WWTR1: variants seen among roughly 807,000 people sequenced by gnomAD.
The protein encoded by WWTR1 is WW domain containing transcription regulator 1, also known as WW domain-containing transcription regulator protein 1.
WWTR1 carries 13 observed loss-of-function variants against 40.1 expected under a neutral mutation model. The ratio of observed to expected loss-of-function variants is 0.32; its 90% CI spans 0.21 to 0.52. WWTR1 has a LOEUF of 0.52. WWTR1 is among the 20% of genes least tolerant of loss of function. The pLI is 0.97. For synonymous variants in WWTR1, 230 were observed against 210.1 expected (o/e 1.09, Z -0.82); for missense variants, 436 against 523.1 (o/e 0.83, Z 1.63).
intron 1 of WWTR1, among the ~76,000 whole-genome samples, chr3:149,680,646 C>T (rs1714429846): frequency 6.7e-6 from 1 of 150,366 alleles, no homozygotes; most frequent in African/African-American, 2.5e-5. Context: ...CCAGCCTAGG[C>T]AACATAGAGA....
At chr3:149,530,907 G>A (rs1334153119) in intron 4 of WWTR1, among the ~76,000 whole-genome samples, 1 of 151,606 alleles carries the variant, frequency 6.6e-6, no homozygotes, top group African/African-American at 2.4e-5. Flanking sequence ...AGAAAAATCA[G>A]AAAGGGTGTT....
At chr3:149,550,191 G>A (rs573490997) in intron 3 of WWTR1, among the ~76,000 whole-genome samples, 2 of 152,158 alleles carry the variant, frequency 1.3e-5, no homozygotes, top group African/African-American at 4.8e-5. Context: ...CAATGGTTGG[G>A]GTATGTACAA....
chr3:149,614,142 C>T (rs1739860656), intron 2 of WWTR1, among the ~76,000 whole-genome samples: 1 of 152,154 alleles, frequency 6.6e-6, no homozygotes, highest in Admixed American at 6.5e-5. Context: ...CCTCTGAGAG[C>T]TATTACTGAC....
intron 2 of WWTR1, among the ~76,000 whole-genome samples, chr3:149,609,320 A>C (rs1210570895): frequency 6.6e-6 from 1 of 152,160 alleles, no homozygotes; most frequent in Non-Finnish European, 1.5e-5. Context: ...CAGAATGTGT[A>C]ATGTGTTATC....
intron 3 of WWTR1, among the ~76,000 whole-genome samples, chr3:149,545,195 G>T (rs1342389124): frequency 6.6e-6 from 1 of 152,102 alleles, no homozygotes; most frequent in East Asian, 1.9e-4. Flanking sequence ...GGAGGTAAAG[G>T]GTTTTGCACA....
intron 1 of WWTR1, among the ~76,000 whole-genome samples, chr3:149,689,191 C>T (rs925499323): frequency 2.0e-5 from 3 of 151,746 alleles, no homozygotes; most frequent in Non-Finnish European, 4.4e-5. Flanking sequence ...AGACTAGCCT[C>T]GGCAACATGG....
At chr3:149,672,118 G>A (rs1020526668) in intron 1 of WWTR1, among the ~76,000 whole-genome samples, 1 of 151,372 alleles carries the variant, frequency 6.6e-6, no homozygotes, top group Non-Finnish European at 1.5e-5. Context: ...ATCTTTAAAA[G>A]GCTACAAAAA....
At chr3:149,622,484 AG>A (rs1169113139) in intron 2 of WWTR1, among the ~76,000 whole-genome samples, 29 of 130,346 alleles carry the variant, frequency 2.2e-4, no homozygotes, top group East Asian at 7.4e-4. Flanking sequence ...GAAGGAAGGA[AG>A]GAAGGAAGGA....
chr3:149,670,121 C>A (rs1358795878), intron 1 of WWTR1, among the ~76,000 whole-genome samples: 1 of 152,224 alleles, frequency 6.6e-6, no homozygotes, highest in Admixed American at 6.5e-5. Flanking sequence ...CCTTGGTAGA[C>A]AAGAAACCAC....
At chr3:149,668,306 A>G (rs1018989421) in intron 2 of WWTR1, among the ~76,000 whole-genome samples, 3 of 152,108 alleles carry the variant, frequency 2.0e-5, no homozygotes, top group Non-Finnish European at 1.5e-5. Context: ...TGCCCTAAGG[A>G]TAGATTTTTG....
intron 1 of WWTR1, among the ~76,000 whole-genome samples, chr3:149,686,688 T>A (rs1714667659): frequency 6.6e-6 from 1 of 152,124 alleles, no homozygotes; most frequent in African/African-American, 2.4e-5. Context: ...GTGTAGACTA[T>A]CAGGATTTAC....
At chr3:149,594,033 CT>C (rs551801958) in intron 2 of WWTR1, among the ~76,000 whole-genome samples, 71 of 152,264 alleles carry the variant, frequency 4.7e-4, no homozygotes, top group Admixed American at 4.2e-3. Context: ...GGTCAGAGAC[CT>C]GCTTACGTGG....
At chr3:149,618,667 G>A (rs1473786055) in intron 2 of WWTR1, among the ~76,000 whole-genome samples, 1 of 152,136 alleles carries the variant, frequency 6.6e-6, no homozygotes, top group Non-Finnish European at 1.5e-5. Flanking sequence ...TAAGTACAGG[G>A]GTTTTGAGGA....
chr3:149,662,363 G>A (rs1288435504), upstream of WWTR1, among the ~76,000 whole-genome samples: 4 of 152,118 alleles, frequency 2.6e-5, no homozygotes, highest in African/African-American at 7.2e-5. Flanking sequence ...AATCAGTTGA[G>A]AGCACACTCC....
At chr3:149,548,080 G>A (rs368383833) in intron 3 of WWTR1, among the ~76,000 whole-genome samples, 73 of 150,724 alleles carry the variant, frequency 4.8e-4, no homozygotes, top group African/African-American at 1.8e-3. Flanking sequence ...GGTTATTTAC[G>A]TAGGACATGA....
At chr3:149,622,471 A>AGGG (rs1740326566) in intron 2 of WWTR1, among the ~76,000 whole-genome samples, 1 of 103,754 alleles carries the variant, frequency 9.6e-6, no homozygotes, top group Non-Finnish European at 2.1e-5. Flanking sequence ...GGAAGGAAGG[A>AGGG]AGGAAGGAAG....
At chr3:149,667,320 G>C (rs185883559) in intron 2 of WWTR1, among the ~76,000 whole-genome samples, 2,129 of 152,202 alleles carry the variant, frequency 0.014, 26 homozygotes, top group Non-Finnish European at 0.024. Flanking sequence ...GCTGAGGGGG[G>C]GTGGATCATG....
intron 1 of WWTR1, among the ~76,000 whole-genome samples, chr3:149,688,749 C>T (rs532407820): frequency 6.6e-6 from 1 of 152,192 alleles, no homozygotes; most frequent in East Asian, 1.9e-4. Context: ...TGAATATTCA[C>T]AAGCATCAAG....
At chr3:149,657,672 A>C (rs1044662837) in intron 1 of WWTR1, 93 bp downstream of exon 1, 1 of 197,508 alleles carries the variant, frequency 5.1e-6, no homozygotes, top group African/African-American at 2.4e-5. Flanking sequence ...GTTCAGCCCG[A>C]GCCAACTCCA....
Sources: allele counts gnomAD v4.1 joint callset (sites outside exome capture counted in the v4.1 genomes callset), GRCh38; gene constraint gnomAD v4.1.1; transcripts MANE v1.5; gene names NCBI Gene and HGNC (gene_info 2026-07-23, HGNC 2026-07-21).